The following FRMD1 variants were observed in gnomAD, a reference collection of about 807,000 sequenced individuals.
FRMD1 encodes the protein FERM domain containing 1, also known as FERM domain-containing protein 1.
Under a neutral mutation model 54.9 loss-of-function variants are expected in FRMD1, and 51 were observed. The ratio of observed to expected loss-of-function variants is 0.93; its 90% confidence interval spans 0.74 to 1.17. FRMD1 has a LOEUF of 1.17. FRMD1 is among the 50% of genes most tolerant of loss of function. The pLI is 0.00. For missense variants in FRMD1, 729 were observed against 743.0 expected (o/e 0.98, Z 0.22); for synonymous variants, 324 against 306.4 (o/e 1.06, Z -0.60).
chr6:168,090,106 A>G (rs2341608), intron 1 of FRMD1, among the ~76,000 whole-genome samples: 98,198 of 151,704 alleles, frequency 0.65, 31,841 homozygotes, highest in Middle Eastern at 0.78. Flanking sequence ...CCCAGCCTCC[A>G]TCTGACCCCG....
Position 168,061,008 on chromosome 6 carries a change from G to A in FRMD1, c.1095C>T (p.Asp365=), listed in dbSNP as rs773500816. The A allele has an allele frequency of 1.9e-6, 3 of 1,613,044 alleles. No homozygotes were observed. In the Admixed American group the frequency reaches 5.0e-5, roughly 27 times the overall value. ...ESYISDELEL[D]LASRSFPGSG... ...TGCCCGGGAAGCTCCTGCTGGCCAG[G>A]TCCAGCTCCAGCTCATCGCTGATAT... The change falls in exon 9 of 11, where the codon GAC becomes GAT. Residue 365 remains aspartate, a synonymous_variant. Coordinates refer to ENST00000283309, the MANE Select transcript of FRMD1 (RefSeq NM_024919.6).
chr6:168,082,915 T>C (rs947982459), upstream of FRMD1, among the ~76,000 whole-genome samples: 2 of 152,116 alleles, frequency 1.3e-5, no homozygotes, highest in Non-Finnish European at 2.9e-5. Context: ...CCCCAGTTCT[T>C]CCCCAGGCAC....
rs1800758407 is a variant in FRMD1 at position 168,079,200 on chromosome 6, T to C, written c.-106A>G. The C allele has an allele frequency of 7.0e-7, 1 of 1,423,336 alleles. No homozygotes were observed. The highest frequency in any genetic ancestry group is 1.5e-5 in the South Asian group (1 of 65,720). The allele number at this position is 1,423,336 out of a possible 1,614,324, so 88.2% of individuals were successfully genotyped here. On this transcript the variant is annotated 5_prime_UTR_variant, in exon 1 of 11. Transcript: ENST00000283309. The stretch of plus-strand genomic sequence containing the variant: ...GACCCGCCCTTGCCGAGCTTCTCAC[T>C]GGGAAGGGAATTGAGAGGGAAGCCT...
upstream of FRMD1, among the ~76,000 whole-genome samples, chr6:168,085,410 G>A (rs1484871669): frequency 6.6e-6 from 1 of 152,202 alleles, no homozygotes; most frequent in Admixed American, 6.5e-5. Flanking sequence ...GGACATCGGA[G>A]GAGCCCTCTC....
chr6:168,082,705 C>G (rs1800855452), upstream of FRMD1, among the ~76,000 whole-genome samples: 1 of 152,250 alleles, frequency 6.6e-6, no homozygotes, highest in East Asian at 1.9e-4. Context: ...CTGACCCCCT[C>G]TTCAGAAATC....
At position 168,061,719 on chromosome 6, in the gene FRMD1, G is replaced by A; in HGVS notation, c.1045+88C>T. On this transcript the variant is annotated intron_variant, in intron 8 of 10. Transcript: ENST00000283309. The stretch of plus-strand genomic sequence containing the variant: ...AGGCCACAACAATAAGAGACAGAAG[G>A]CATAGTCCGGCCAGAGCCCAGTGTG... 3.8e-6 allele frequency: 5 copies of A among 1,330,964 alleles called. No individual in the cohort carries two copies. The South Asian group carries it at 4.2e-5, about 11-fold the overall frequency. The allele number at this position is 1,330,964 out of a possible 1,614,324, so 82.4% of individuals were successfully genotyped here.
At chr6:168,087,633 G>A (rs940927927) in intron 1 of FRMD1, among the ~76,000 whole-genome samples, 11 of 152,228 alleles carry the variant, frequency 7.2e-5, no homozygotes, top group East Asian at 3.8e-4. Context: ...TGTGCAATGC[G>A]TGCGCTGGCA....
At chr6:168,076,212 A>G (rs1002296596) in intron 1 of FRMD1, among the ~76,000 whole-genome samples, 2 of 152,240 alleles carry the variant, frequency 1.3e-5, no homozygotes, top group Non-Finnish European at 2.9e-5. Context: ...GAGGACCCTC[A>G]CTTGGGGCTC....
chr6:168,064,624 G>A (rs1249818832), intron 5 of FRMD1, among the ~76,000 whole-genome samples: 4 of 152,230 alleles, frequency 2.6e-5, no homozygotes, highest in South Asian at 2.1e-4. Flanking sequence ...GGCTGGGTGC[G>A]TCAGGAGCAC....
In FRMD1 at chr6:168,063,752, A is replaced by G. The variant is rs1304790392; in HGVS notation, c.653T>C (p.Ile218Thr). 6.2e-7 allele frequency: 1 copy of G among 1,611,644 alleles called. No homozygotes were observed. The highest frequency in any genetic ancestry group is 1.7e-5 in the Admixed American group (1 of 59,802). ...GATGTAGTCAATCCCCCTCTTGGTG[A>G]TGATCTGAGGACAGAGCCGGGAGGT... ...EPHSYFPQWI[I>T]TKRGIDYILR... Residue 218 changes from isoleucine (I) to threonine (T), a missense_variant, in exon 6 of 11, where the codon ATC becomes ACC. Physicochemically the swap from Ile to Thr is moderately conservative, Grantham distance 89. Coordinates refer to ENST00000283309, the MANE Select transcript of FRMD1 (RefSeq NM_024919.6).
At chr6:168,077,785 C>T (rs1800663725) in intron 1 of FRMD1, among the ~76,000 whole-genome samples, 1 of 152,238 alleles carries the variant, frequency 6.6e-6, no homozygotes. Flanking sequence ...GGTAGGGGGC[C>T]AAAGCCCCAG....
At chr6:168,060,587 G>A (rs1009573968) in intron 9 of FRMD1, among the ~76,000 whole-genome samples, 174 bp downstream of exon 9, 29 of 152,270 alleles carry the variant, frequency 1.9e-4, no homozygotes, top group African/African-American at 6.3e-4. Flanking sequence ...CTGTTCTTCC[G>A]GCATGTTCTG....
chr6:168,066,275 G>A, intron 4 of FRMD1: 2 of 891,836 alleles, frequency 2.2e-6, no homozygotes, highest in Non-Finnish European at 2.7e-6. Context: ...GAGGCGGGTG[G>A]ATCACCTGAG....
rs918228953 is a variant in FRMD1, at chr6:168,056,695, G to A, written c.*402C>T. 2.4e-5 allele frequency: 4 copies of A among 163,976 alleles called. No homozygotes were observed. The highest frequency in any genetic ancestry group is 4.0e-5 in the Non-Finnish European group (3 of 75,692). 10.2% of individuals were successfully genotyped at this position (163,976 alleles called of 1,614,324 possible). ...CTGTGCCCATCAGGACTGTCTCTTG[G>A]GGAGCTGACAGTGTGGGAAACTGCA... is the stretch of plus-strand genomic sequence containing the variant. On this transcript the variant is annotated 3_prime_UTR_variant, in exon 11 of 11. Coordinates refer to ENST00000283309, the MANE Select transcript of FRMD1 (RefSeq NM_024919.6).
chr6:168,075,509 C>T (rs1800546489), intron 1 of FRMD1, among the ~76,000 whole-genome samples, 174 bp from the exon 2 acceptor site: 2 of 152,120 alleles, frequency 1.3e-5, no homozygotes, highest in Admixed American at 6.5e-5. Context: ...GCTGCATGCC[C>T]ATCAGAGCAC....
intron 4 of FRMD1, 197 bp downstream of exon 4, chr6:168,066,558 C>T (rs923791170): frequency 1.3e-5 from 17 of 1,302,114 alleles, no homozygotes; most frequent in Middle Eastern, 2.7e-4. Flanking sequence ...CAATTTATGA[C>T]ACAGTCTGTA....
intron 2 of FRMD1, among the ~76,000 whole-genome samples, chr6:168,070,837 G>C (rs1800271535): frequency 6.6e-6 from 1 of 152,232 alleles, no homozygotes; most frequent in South Asian, 2.1e-4. Flanking sequence ...TCTGCTGGAG[G>C]ACCGGCATCT....
At chr6:168,074,784 G>GGT (rs1210627011) in intron 2 of FRMD1, among the ~76,000 whole-genome samples, 3 of 139,106 alleles carry the variant, frequency 2.2e-5, no homozygotes, top group Admixed American at 7.2e-5. Context: ...ATGTGTGACT[G>GGT]GTGTGTGTGT....
Position 168,061,795 on chromosome 6 carries a change from G to T in FRMD1, c.1045+12C>A. On this transcript the variant is annotated intron_variant, in intron 8 of 10. Transcript: ENST00000283309. ...CCGGCTGCGGAGCCCAGCATACCCAGCCCAGCCCCACCTTCTGCCTCCTCC... is the reference window on the plus strand; with the variant it reads ...CCGGCTGCGGAGCCCAGCATACCCATCCCAGCCCCACCTTCTGCCTCCTCC... 6.5e-7 allele frequency: 1 copy of T among 1,544,692 alleles called. No individual in the cohort carries two copies.
Sources: allele counts gnomAD v4.1 joint callset (sites outside exome capture counted in the v4.1 genomes callset), GRCh38; gene constraint gnomAD v4.1.1; transcripts MANE v1.5; gene names NCBI Gene and HGNC (gene_info 2026-07-23, HGNC 2026-07-21).